Variants in DUOX2 observed in about 807,000 individuals in gnomAD.
DUOX2 encodes dual oxidase 2.
A neutral mutation model predicts 183.3 loss-of-function variants in DUOX2; 185 were observed. The observed-to-expected ratio is 1.01, with a 90% CI of 0.90 to 1.14. The LOEUF (loss-of-function observed/expected upper bound fraction) is 1.14. Ranked by LOEUF, DUOX2 falls within the 50% of genes most tolerant of loss-of-function variation. The pLI, the probability that DUOX2 is intolerant of heterozygous loss-of-function variation, is 0.00. For synonymous variants in DUOX2, 788 were observed against 812.4 expected (o/e 0.97, Z 0.51); for missense variants, 1,999 against 2,022.9 (o/e 0.99, Z 0.23).
rs752828383 is a variant in DUOX2 at position 45,095,975 on chromosome 15, C to T, written c.3933G>A (p.Gly1311=). 3 of 1,614,038 alleles carry T rather than the reference C, an allele frequency of 1.9e-6. No individual in the cohort carries two copies. The highest frequency in any genetic ancestry group is 3.3e-5 in the Admixed American group (2 of 60,004). ...QWVRIACLAL[G]TTEYHPFTLT... ...GTGTGAAGGGGTGGTACTCGGTGGT[C>T]CCCAGAGCCAGGCAGGCGATCCGCA... The change falls in exon 30 of 34, where the codon GGG becomes GGA. Residue 1311 remains glycine, a synonymous_variant. Transcript: ENST00000389039.
chr15:45,110,237 C>T (rs781062434), intron 9 of DUOX2, among the ~76,000 whole-genome samples, 191 bp downstream of exon 9: 4 of 152,146 alleles, frequency 2.6e-5, no homozygotes, highest in Admixed American at 2.6e-4. Context: ...AATTTCAGCC[C>T]TTAGGAGAGC....
At position 45,097,329 on chromosome 15, in the gene DUOX2, G is replaced by A. The variant is rs751135600; in HGVS notation, c.3756C>T (p.Val1252=). ...QLPTFHIYFL[V]PAIIYGGDKL... ...TGTCACCTCCATAGATGATTGCCGG[G>A]ACCAGGAAGTAGATGTGGAAAGTGG... The change falls in exon 29 of 34, where the codon GTC becomes GTT. Residue 1252 remains valine, a synonymous_variant. Coordinates refer to ENST00000389039, the MANE Select transcript of DUOX2 (RefSeq NM_001363711.2). The A allele has an allele frequency of 1.9e-6, 3 of 1,614,276 alleles. No homozygotes were observed. The South Asian group carries it at 3.3e-5, about 18-fold the overall frequency.
intron 12 of DUOX2, 60 bp from the exon 13 acceptor site, chr15:45,108,282 T>C: frequency 1.3e-6 from 2 of 1,597,100 alleles, no homozygotes; most frequent in Admixed American, 3.3e-5. Flanking sequence ...CAGCCACTGT[T>C]GCCCCATCCC....
chr15:45,101,086 G>A (rs1339512461), intron 22 of DUOX2, 119 bp downstream of exon 22: 1 of 916,164 alleles, frequency 1.1e-6, no homozygotes, highest in African/African-American at 1.6e-5. Flanking sequence ...GCTACCATGA[G>A]CTACTTTCAA....
intron 17 of DUOX2, 102 bp downstream of exon 17, chr15:45,106,023 G>T: frequency 6.9e-7 from 1 of 1,456,066 alleles, no homozygotes. Flanking sequence ...CCCAGCATCA[G>T]CTGTCATAGT....
At position 45,099,461 on chromosome 15, in the gene DUOX2, G is replaced by A. The variant is rs753806363; in HGVS notation, c.3437C>T (p.Ala1146Val). 4.3e-6 allele frequency: 7 copies of A among 1,613,906 alleles called. No homozygotes were observed. In the East Asian group the frequency reaches 8.9e-5, roughly 21 times the overall value. ...GACTGAGAAGATGTAGACATTGACT[G>A]CGTGGCCAGCACTGTGCAAAACTGG... ...VLAILHSAGHAVNVYIFSVSP... is the reference protein window; with the variant it reads ...VLAILHSAGHVVNVYIFSVSP... The change falls in exon 26 of 34, where the codon GCA becomes GTA. Residue 1146 changes from alanine (A) to valine (V), a missense_variant. Transcript: ENST00000389039.
chr15:45,104,056 G>C lies in DUOX2; in HGVS notation c.2561-3C>G. 1 of 1,614,058 alleles carries C rather than the reference G, an allele frequency of 6.2e-7. No individual in the cohort carries two copies. Among genetic ancestry groups the C allele is most frequent in the Non-Finnish European group, 8.5e-7 (1 of 1,179,992 alleles). On this transcript the variant is annotated splice_polypyrimidine_tract_variant and splice_region_variant and intron_variant, in intron 19 of 33. Coordinates refer to ENST00000389039, the MANE Select transcript of DUOX2 (RefSeq NM_001363711.2). ...ACGGGACTTATCCTCTGGGGAGCCT[G>C]GGAAGAAAAAAGGGAATGCAGGTCA...
At chr15:45,113,630 T>G (rs1894516465) in intron 1 of DUOX2, among the ~76,000 whole-genome samples, 1 of 152,096 alleles carries the variant, frequency 6.6e-6, no homozygotes, top group African/African-American at 2.4e-5. Context: ...CTGGAGGCAT[T>G]GACACTGTTC....
intron 20 of DUOX2, 24 bp downstream of exon 20, chr15:45,103,936 G>A (rs752944057): frequency 6.2e-7 from 1 of 1,613,252 alleles, no homozygotes; most frequent in Admixed American, 1.7e-5. Flanking sequence ...GGAAGTCTCA[G>A]GATTAGAAAG....
At chr15:45,100,659 TG>T in intron 23 of DUOX2, 95 bp downstream of exon 23, 1 of 1,011,728 alleles carries the variant, frequency 9.9e-7, no homozygotes, top group Non-Finnish European at 1.6e-6. Flanking sequence ...AGACTCAGGA[TG>T]GTCGCTTATA....
chr15:45,094,403 G>T, intron 33 of DUOX2, 131 bp from the exon 34 acceptor site: 2 of 1,531,198 alleles, frequency 1.3e-6, no homozygotes, highest in African/African-American at 1.4e-5. Flanking sequence ...GAGGCTTAAC[G>T]TGGAGGGGGT....
intron 31 of DUOX2, 75 bp downstream of exon 31, chr15:45,095,362 C>G (rs1893872092): frequency 6.3e-7 from 1 of 1,599,422 alleles, no homozygotes; most frequent in Non-Finnish European, 8.6e-7. Flanking sequence ...AGCTTTCTCT[C>G]ATGCTCCACC....
At position 45,095,830 on chromosome 15, in the gene DUOX2, T is replaced by G. The variant is rs1277170325; in HGVS notation, c.4078A>C (p.Lys1360Gln). The change falls in exon 30 of 34, where the codon AAG (lysine) becomes CAG (glutamine). Residue 1360 changes from lysine to glutamine, a missense_variant and splice_region_variant. This residue lies in a region of DUOX2 where 1,628 missense variants were observed against 1,608.6 expected (regional missense o/e 1.01). Coordinates refer to ENST00000389039, the MANE Select transcript of DUOX2 (RefSeq NM_001363711.2). ...GCAGGGTTCCCAGTGACGGGCACCT[T>G]TGGGTATCCAGCACAGCCATTGCCC... Reference protein sequence around the residue: ...PKGNGCAGYPKLYLDGPFGEG... With the variant: ...PKGNGCAGYPQLYLDGPFGEG... 1 of 1,613,452 alleles carries G rather than the reference T, an allele frequency of 6.2e-7. No individual in the cohort carries two copies. Among genetic ancestry groups the G allele is most frequent in the African/African-American group, 1.3e-5 (1 of 74,882 alleles).
rs144886975 is a variant in DUOX2, at chr15:45,097,661, G to T, written c.3646C>A (p.Arg1216=). The T allele has an allele frequency of 9.3e-6, 15 of 1,614,222 alleles. No homozygotes were observed. The highest frequency in any genetic ancestry group is 5.0e-5 in the Admixed American group (3 of 60,036). Residue 1216 remains arginine (R), a synonymous_variant, in exon 28 of 34, where the codon CGG becomes AGG. Coordinates refer to ENST00000389039, the MANE Select transcript of DUOX2 (RefSeq NM_001363711.2). ...AGGTGGTGGGTCAGCCAGAAGCCCC[G>T]GAAGCTGCGGCGGCGGAAGTGGTGG... ...ASHHFRRRSF[R]GFWLTHHLYI...
chr15:45,107,552 GA>G (rs779891753), intron 13 of DUOX2, 89 bp from the exon 14 acceptor site: 378 of 1,379,390 alleles, frequency 2.7e-4, no homozygotes, highest in Admixed American at 1.7e-3. Flanking sequence ...TGAGAAAAGA[GA>G]CCCAGAGGGG....
At chr15:45,094,727 C>T (rs1334278776) in intron 32 of DUOX2, 36 bp from the exon 33 acceptor site, 2 of 1,612,608 alleles carry the variant, frequency 1.2e-6, no homozygotes, top group Middle Eastern at 1.7e-4. Context: ...CAAAGACAGT[C>T]AGGGCCAGCA....
Position 45,101,760 on chromosome 15 carries a change from CT to C in DUOX2, c.2851+32del, listed in dbSNP as rs756885030. ...CTCTCATTTTGAGGACACGCCCCCC[CT>C]CCCTGACGCCAACCATTCCTCACAC... On this transcript the variant is annotated intron_variant, in intron 21 of 33. Coordinates refer to ENST00000389039, the MANE Select transcript of DUOX2 (RefSeq NM_001363711.2). 3.7e-6 allele frequency: 6 copies of C among 1,614,028 alleles called. No homozygotes were observed. In the African/African-American group the frequency reaches 6.7e-5, roughly 18 times the overall value.
intron 1 of DUOX2, 90 bp from the exon 2 acceptor site, chr15:45,113,515 A>G: frequency 9.9e-7 from 1 of 1,010,468 alleles, no homozygotes; most frequent in Non-Finnish European, 1.5e-6. Flanking sequence ...TACAGCTAGT[A>G]CTGGAGGAGG....
Position 45,106,512 on chromosome 15 carries a change from C to T in DUOX2, c.1945+16G>A, listed in dbSNP as rs1894217365. 6.2e-7 allele frequency: 1 copy of T among 1,613,290 alleles called. No homozygotes were observed. The highest frequency in any genetic ancestry group is 8.5e-7 in the Non-Finnish European group (1 of 1,179,340). On this transcript the variant is annotated intron_variant, in intron 16 of 33. Transcript: ENST00000389039. ...TCCTCCGTCCCTCCTCCCTCCTCTG[C>T]CCAGCCCCTGCTCACCTGGCACTCC...
Sources: gnomAD v4.1 joint callset for allele counts (sites outside exome capture counted in the v4.1 genomes callset) on GRCh38, gnomAD v4.1.1 for gene constraint, gnomAD v4.1.1 regional missense constraint, MANE v1.5 for transcripts, NCBI Gene and HGNC (gene_info 2026-07-23, HGNC 2026-07-21) for gene names.